Variants in TPCN1 observed in about 807,000 individuals in gnomAD.
TPCN1 encodes the protein two pore channel protein 1.
A neutral mutation model predicts 108.8 loss-of-function variants in TPCN1; 52 were observed. The observed-to-expected ratio is 0.48, with a 90% CI of 0.38 to 0.60. The LOEUF is 0.60. Among genes scored for constraint, TPCN1 ranks in the 20% least tolerant of loss-of-function variants. The pLI, the probability that TPCN1 is intolerant of heterozygous loss-of-function variation, is 0.00. For synonymous variants in TPCN1, 446 were observed against 433.7 expected, an observed-to-expected ratio of 1.03 and a Z score of -0.35; for missense variants, 806 against 1,072.8, an observed-to-expected ratio of 0.75 and a Z score of 3.47.
At chr12:113,251,861 C>T (rs1386016135) in intron 2 of TPCN1, among the ~76,000 whole-genome samples, 1 of 152,194 alleles carries the variant, frequency 6.6e-6, no homozygotes, top group Non-Finnish European at 1.5e-5. Flanking sequence ...ATTCATCCTG[C>T]CTCAAGGCGT....
intron 27 of TPCN1, among the ~76,000 whole-genome samples, 167 bp from the exon 28 acceptor site, chr12:113,295,793 A>G (rs1566212072): frequency 6.6e-6 from 1 of 152,164 alleles, no homozygotes; most frequent in Non-Finnish European, 1.5e-5. Flanking sequence ...GCCACATTCA[A>G]AATTCCCAGC....
At position 113,290,974 on chromosome 12, in the gene TPCN1, T is replaced by C. The variant is rs1248995229; in HGVS notation, c.1935T>C (p.Val645=). 5 of 1,613,884 alleles carry C rather than the reference T, an allele frequency of 3.1e-6. No homozygotes were observed. Among genetic ancestry groups the C allele is most frequent in the Non-Finnish European group, 4.2e-6 (5 of 1,179,988 alleles). The change falls in exon 23 of 28, where the codon GTT becomes GTC. Residue 645 remains valine (V), a synonymous_variant. Coordinates refer to ENST00000335509, the MANE Select transcript of TPCN1 (RefSeq NM_017901.6). ...CAGTGACCCTGTTTGAGCTCACAGT[T>C]GTCAACAACTGGTACATCATCATGG... ...NSFVTLFELT[V]VNNWYIIMEG...
chr12:113,286,927 G>A, intron 18 of TPCN1, 60 bp from the exon 19 acceptor site: 3 of 1,257,614 alleles, frequency 2.4e-6, no homozygotes, highest in South Asian at 1.2e-5. Context: ...GCCAGGGAGG[G>A]GAGCAGGCGC....
At chr12:113,293,923 C>T (rs759946648) in intron 27 of TPCN1, among the ~76,000 whole-genome samples, 11 of 152,140 alleles carry the variant, frequency 7.2e-5, no homozygotes, top group Non-Finnish European at 1.5e-4. Flanking sequence ...CTGCAACCTC[C>T]GCCTCCTGGG....
rs1955415682 is a variant in TPCN1, at chr12:113,269,693, A to T, written c.660-64A>T. 7.2e-7 allele frequency: 1 copy of T among 1,392,818 alleles called. No individual in the cohort carries two copies. Among genetic ancestry groups the T allele is most frequent in the Non-Finnish European group, 1.0e-6 (1 of 988,710 alleles). 86.3% of individuals were successfully genotyped at this position (1,392,818 alleles called of 1,614,324 possible). On this transcript the variant is annotated intron_variant, in intron 6 of 27. Transcript: ENST00000335509. This position sits in a 1 kb window ranked among gnomAD's most constrained non-coding sequence, Gnocchi z 5.0. ...GAAGCACTAGGCCTCCATCTCAACAAGGAGGAGTCCCAGGCAGCCCGCCCC... is the reference window on the plus strand; with the variant it reads ...GAAGCACTAGGCCTCCATCTCAACATGGAGGAGTCCCAGGCAGCCCGCCCC...
chr12:113,248,257 A>C (rs1288003007), intron 2 of TPCN1, among the ~76,000 whole-genome samples: 1 of 152,224 alleles, frequency 6.6e-6, no homozygotes, highest in Non-Finnish European at 1.5e-5. Flanking sequence ...GGTGTGTGGA[A>C]TCTTCAGGGC....
At position 113,284,751 on chromosome 12, in the gene TPCN1, G is replaced by A. The variant is rs1484338865; in HGVS notation, c.1433G>A (p.Ser478Asn). The A allele has an allele frequency of 1.9e-6, 3 of 1,614,110 alleles. No homozygotes were observed. Among genetic ancestry groups the A allele is most frequent in the African/African-American group, 2.7e-5 (2 of 74,924 alleles). ...GNFFSKHVPW[S>N]YLVFLTIYGV... The stretch of plus-strand genomic sequence containing the variant: ...TTCTTCTCCAAGCACGTGCCCTGGA[G>A]TTACCTCGTCTTTCTAACTAGTACG... Residue 478 changes from serine to asparagine, a missense_variant, in exon 17 of 28, where the codon AGT becomes AAT. Physicochemically the swap from Ser to Asn is conservative, Grantham distance 46. Transcript: ENST00000335509. The surrounding 1 kb of genome is among the most constrained non-coding windows in gnomAD (Gnocchi z 4.1).
rs560672749 is a variant in TPCN1, at chr12:113,269,405, C to T, written c.660-352C>T. Among the ~76,000 whole-genome samples the T allele has an allele frequency of 6.6e-6, 1 of 152,322 alleles. No individual in the cohort carries two copies. The highest frequency in any genetic ancestry group is 1.5e-5 in the Non-Finnish European group (1 of 68,036). On this transcript the variant is annotated intron_variant, in intron 6 of 27. Coordinates refer to ENST00000335509, the MANE Select transcript of TPCN1 (RefSeq NM_017901.6). The surrounding 1 kb of genome is among the most constrained non-coding windows in gnomAD (Gnocchi z 5.0). ...GGCCCAGTGTCCCAGGACTAAGTGG[C>T]CTTGAAATGTCTTCATGCCTTCCAC... is the stretch of plus-strand genomic sequence containing the variant.
Position 113,288,673 on chromosome 12 carries a change from C to A in TPCN1, c.1707-85C>A. 6.3e-7 allele frequency: 1 copy of A among 1,578,018 alleles called. No homozygotes were observed. Among genetic ancestry groups the A allele is most frequent in the Non-Finnish European group, 8.6e-7 (1 of 1,166,166 alleles). ...ACCAGGGGCATGGCCCTGCAGTCAG[C>A]CCCACGGGTCCGAGGAGGCCGGGGC... On this transcript the variant is annotated intron_variant, in intron 20 of 27. Transcript: ENST00000335509. This position sits in a 1 kb window ranked among gnomAD's most constrained non-coding sequence, Gnocchi z 4.8.
intron 18 of TPCN1, among the ~76,000 whole-genome samples, chr12:113,286,302 C>T (rs564417749): frequency 2.6e-5 from 4 of 151,914 alleles, no homozygotes; most frequent in African/African-American, 9.6e-5. Context: ...CTTCCTTGAT[C>T]AGCAGTAATG....
chr12:113,252,184 A>G (rs912696212), intron 2 of TPCN1, among the ~76,000 whole-genome samples: 1 of 152,098 alleles, frequency 6.6e-6, no homozygotes, highest in Non-Finnish European at 1.5e-5. Context: ...AAGAGGGACT[A>G]TCTCTCACCC....
chr12:113,240,189 G>A (rs141709348), intron 2 of TPCN1, among the ~76,000 whole-genome samples: 1 of 152,278 alleles, frequency 6.6e-6, no homozygotes, highest in Non-Finnish European at 1.5e-5. Flanking sequence ...AGCCTAGTTG[G>A]CCCATTTGAT....
chr12:113,238,060 A>AGTC (rs1388022624), intron 2 of TPCN1, among the ~76,000 whole-genome samples: 1 of 152,118 alleles, frequency 6.6e-6, no homozygotes, highest in Non-Finnish European at 1.5e-5. Flanking sequence ...GGAAGTTCTT[A>AGTC]GTCTGTTCAG....
At chr12:113,244,729 G>T (rs753810308) in intron 2 of TPCN1, 2 of 985,428 alleles carry the variant, frequency 2.0e-6, no homozygotes, top group Non-Finnish European at 2.4e-6. Flanking sequence ...GTTTCCGGAG[G>T]GCTCCGAGTG....
rs372112377 is a variant in TPCN1 at position 113,287,038 on chromosome 12, C to T, written c.1578C>T (p.Ala526=). 3.3e-5 allele frequency: 54 copies of T among 1,613,804 alleles called. No individual in the cohort carries two copies. Among genetic ancestry groups the T allele is most frequent in the Non-Finnish European group, 4.6e-5 (54 of 1,180,004 alleles). ...CCTTCCTGGGACTGCTGGCGCTGGC[C>T]CTCAACATGGAGCCCTTCTATTTCA... ...VFAFLGLLAL[A]LNMEPFYFIV... is the part of the protein sequence containing the mutation. The change falls in exon 19 of 28, where the codon GCC becomes GCT. Residue 526 remains alanine (A), a synonymous_variant. Coordinates refer to ENST00000335509, the MANE Select transcript of TPCN1 (RefSeq NM_017901.6).
chr12:113,279,678 A>G (rs974890579), intron 14 of TPCN1, among the ~76,000 whole-genome samples: 1 of 151,972 alleles, frequency 6.6e-6, no homozygotes, highest in Non-Finnish European at 1.5e-5. Flanking sequence ...GCCTGGGATT[A>G]CAGGCGTGAG....
At chr12:113,223,649 T>C (rs999953378) in intron 1 of TPCN1, among the ~76,000 whole-genome samples, 1 of 152,220 alleles carries the variant, frequency 6.6e-6, no homozygotes, top group African/African-American at 2.4e-5. Flanking sequence ...GTTCAAGTGA[T>C]TCTCCTGCTT....
intron 2 of TPCN1, among the ~76,000 whole-genome samples, chr12:113,227,333 A>G (rs1953509636): frequency 1.3e-5 from 2 of 152,086 alleles, no homozygotes; most frequent in Non-Finnish European, 1.5e-5. Flanking sequence ...TTTCAACACC[A>G]GCCTCCGTCT....
chr12:113,290,841 T>C, intron 22 of TPCN1, 111 bp from the exon 23 acceptor site: 1 of 1,017,222 alleles, frequency 9.8e-7, no homozygotes, highest in Non-Finnish European at 1.5e-6. Flanking sequence ...GGTCATATGG[T>C]GACCCTCTCA....
Sources: gnomAD v4.1 joint callset for allele counts (sites outside exome capture counted in the v4.1 genomes callset) on GRCh38, gnomAD v4.1.1 for gene constraint, Gnocchi (gnomAD v3.1) non-coding constraint, MANE v1.5 for transcripts, NCBI Gene and HGNC (gene_info 2026-07-23, HGNC 2026-07-21) for gene names.